Variants in DLG2 observed in about 807,000 individuals in gnomAD.
DLG2 encodes the protein disks large homolog 2.
DLG2 carries 45 observed loss-of-function variants against 132.5 expected under a neutral mutation model. The ratio of observed to expected loss-of-function variants is 0.34; its 90% confidence interval spans 0.27 to 0.44. The LOEUF is 0.44. Ranked by LOEUF, DLG2 falls within the 20% of genes least tolerant of loss-of-function variation. The pLI is 1.00. For missense variants in DLG2, 1,045 were observed against 1,196.9 expected (o/e 0.87, Z 1.87); for synonymous variants, 424 against 419.6 (o/e 1.01, Z -0.13).
intron 3 of DLG2, among the ~76,000 whole-genome samples, chr11:85,539,962 A>G (rs1479331174): frequency 6.6e-6 from 1 of 152,218 alleles, no homozygotes; most frequent in Non-Finnish European, 1.5e-5. Flanking sequence ...TGCGAGTGCA[A>G]AAACATCTGC....
chr11:84,426,570 G>A (rs2098967301), intron 7 of DLG2, among the ~76,000 whole-genome samples: 1 of 152,076 alleles, frequency 6.6e-6, no homozygotes. Flanking sequence ...AAATCATAGA[G>A]TAGTGACTGG....
chr11:84,399,318 T>G (rs964235609), intron 7 of DLG2, among the ~76,000 whole-genome samples: 1 of 152,182 alleles, frequency 6.6e-6, no homozygotes, highest in African/African-American at 2.4e-5. Flanking sequence ...TTGTAGACAC[T>G]TTCATTCACA....
chr11:84,947,254 T>TG (rs1415856161), intron 6 of DLG2, among the ~76,000 whole-genome samples: 1 of 152,190 alleles, frequency 6.6e-6, no homozygotes, highest in Non-Finnish European at 1.5e-5. Context: ...GTCAATGTGT[T>TG]GTTCCTTCTG....
At chr11:85,013,885 G>A (rs1345380246) in intron 6 of DLG2, among the ~76,000 whole-genome samples, 1 of 152,104 alleles carries the variant, frequency 6.6e-6, no homozygotes, top group African/African-American at 2.4e-5. Flanking sequence ...ATGCTATTAT[G>A]CTATCAAAAG....
At chr11:85,241,039 A>G (rs1004675111) in intron 4 of DLG2, among the ~76,000 whole-genome samples, 1 of 151,700 alleles carries the variant, frequency 6.6e-6, no homozygotes, top group Admixed American at 6.6e-5. Context: ...ATCTCTATGA[A>G]CATGATTTTA....
At chr11:84,404,072 T>C (rs1004051843) in intron 7 of DLG2, among the ~76,000 whole-genome samples, 5 of 152,322 alleles carry the variant, frequency 3.3e-5, no homozygotes, top group African/African-American at 9.6e-5. Context: ...AATTGTATTA[T>C]TGCTTTACCG....
At chr11:83,834,526 G>A (rs1297508394) in intron 16 of DLG2, among the ~76,000 whole-genome samples, 1 of 152,144 alleles carries the variant, frequency 6.6e-6, no homozygotes, top group Non-Finnish European at 1.5e-5. Flanking sequence ...TAAGTAACTA[G>A]CAAAAGGAGA....
At chr11:85,339,977 A>C (rs1182634170) in intron 3 of DLG2, among the ~76,000 whole-genome samples, 1 of 152,214 alleles carries the variant, frequency 6.6e-6, no homozygotes, top group Non-Finnish European at 1.5e-5. Flanking sequence ...GTCATTAAAA[A>C]ATCAGGAAAC....
chr11:85,458,999 T>C (rs1031613280), intron 3 of DLG2, among the ~76,000 whole-genome samples: 1 of 152,160 alleles, frequency 6.6e-6, no homozygotes, highest in Non-Finnish European at 1.5e-5. Context: ...CAATTGGCCC[T>C]GGATGGGGCA....
At chr11:83,897,150 A>G (rs2071973923) in intron 15 of DLG2, among the ~76,000 whole-genome samples, 4 of 152,332 alleles carry the variant, frequency 2.6e-5, no homozygotes, top group South Asian at 4.1e-4. Context: ...CCAGAGAAGC[A>G]GAGAGCCACT....
At chr11:85,284,735 TAA>T (rs957257683) in intron 4 of DLG2, among the ~76,000 whole-genome samples, 18 of 151,568 alleles carry the variant, frequency 1.2e-4, no homozygotes, top group African/African-American at 4.1e-4. Context: ...TACTAATATA[TAA>T]GTTACCCAAA....
intron 3 of DLG2, among the ~76,000 whole-genome samples, chr11:85,488,316 G>A (rs1326621124): frequency 1.3e-5 from 2 of 151,830 alleles, no homozygotes; most frequent in Non-Finnish European, 2.9e-5. Flanking sequence ...TTGAACCCAA[G>A]AGGCAGAGGT....
At chr11:84,405,429 A>G (rs1260732275) in intron 7 of DLG2, among the ~76,000 whole-genome samples, 2 of 152,154 alleles carry the variant, frequency 1.3e-5, no homozygotes, top group Non-Finnish European at 2.9e-5. Flanking sequence ...CATGAAGGAG[A>G]CATAGTCTTG....
intron 6 of DLG2, among the ~76,000 whole-genome samples, chr11:84,922,583 A>C (rs2154084562): frequency 6.6e-6 from 1 of 152,236 alleles, no homozygotes; most frequent in South Asian, 2.1e-4. Context: ...TTTCCAGTGA[A>C]AATCATTTGT....
At chr11:85,169,180 G>A (rs1214849142) in intron 4 of DLG2, among the ~76,000 whole-genome samples, 1 of 152,066 alleles carries the variant, frequency 6.6e-6, no homozygotes, top group East Asian at 1.9e-4. Flanking sequence ...ATTTTTATTT[G>A]TATTATTTTC....
chr11:85,428,551 C>T (rs1417562851), intron 3 of DLG2, among the ~76,000 whole-genome samples: 2 of 152,092 alleles, frequency 1.3e-5, no homozygotes. Flanking sequence ...GAAATGAAGG[C>T]AGAAATAAAG....
At chr11:84,962,375 C>T (rs559630412) in intron 6 of DLG2, among the ~76,000 whole-genome samples, 129 of 152,272 alleles carry the variant, frequency 8.5e-4, no homozygotes, top group South Asian at 3.5e-3. Flanking sequence ...ATTGTGATTC[C>T]AATTTCTATT....
At chr11:84,925,477 C>T (rs952026795) in intron 6 of DLG2, among the ~76,000 whole-genome samples, 1 of 152,106 alleles carries the variant, frequency 6.6e-6, no homozygotes, top group Non-Finnish European at 1.5e-5. Context: ...GATTTACTGC[C>T]TAATTTTCTT....
At chr11:84,852,167 T>A (rs2082241359) in intron 6 of DLG2, among the ~76,000 whole-genome samples, 1 of 151,984 alleles carries the variant, frequency 6.6e-6, no homozygotes. Context: ...CTTGCTCTAA[T>A]CTCCTCCATA....
Sources: gnomAD v4.1 joint callset for allele counts (sites outside exome capture counted in the v4.1 genomes callset) on GRCh38, gnomAD v4.1.1 for gene constraint, MANE v1.5 for transcripts, NCBI Gene and HGNC (gene_info 2026-07-23, HGNC 2026-07-21) for gene names.